Variants in ANKRD24 observed in about 807,000 individuals in gnomAD.
ANKRD24 encodes ankyrin repeat domain 24.
A neutral mutation model predicts 127.8 loss-of-function variants in ANKRD24; 109 were observed. The ratio of observed to expected loss-of-function variants is 0.85; its 90% confidence interval spans 0.73 to 1.00. The LOEUF (loss-of-function observed/expected upper bound fraction) is 1.00, where lower values mean the gene tolerates loss of function less well. Ranked by LOEUF, ANKRD24 falls within the 50% of genes least tolerant of loss-of-function variation. ANKRD24 has a pLI of 0.00. For missense variants in ANKRD24, 1,648 were observed against 1,570.2 expected (o/e 1.05, Z -0.84); for synonymous variants, 743 against 671.1 (o/e 1.11, Z -1.66).
rs1599416854 is a variant in ANKRD24, at chr19:4,199,596, G to A, written c.37-87G>A. On this transcript the variant is annotated intron_variant, in intron 2 of 21. Transcript: ENST00000318934. This position sits in a 1 kb window ranked among gnomAD's most constrained non-coding sequence, Gnocchi z 5.2. ...TGGGCTTTTGTTGGACAACTGGGGTGATGGGCCTGGGGGCAGATGCTGGGG... is the reference window on the plus strand; with the variant it reads ...TGGGCTTTTGTTGGACAACTGGGGTAATGGGCCTGGGGGCAGATGCTGGGG... 1 of 1,451,914 alleles carries A rather than the reference G, an allele frequency of 6.9e-7. No individual in the cohort carries two copies. Among genetic ancestry groups the A allele is most frequent in the East Asian group, 2.5e-5 (1 of 39,930 alleles). The allele number at this position is 1,451,914 out of a possible 1,614,324, so 89.9% of individuals were successfully genotyped here.
rs953676831 is a variant in ANKRD24, at chr19:4,198,246, T to TCAGCCCC, written c.37-1421_37-1415dup. ...AGGGGCCGGGGCGGCGCCCCTTCCC[T>TCAGCCCC]CAGCCCCCAGCCCCCAGCCCCCTAC... On this transcript the variant is annotated intron_variant, in intron 2 of 21. Transcript: ENST00000318934. The surrounding 1 kb of genome is among the most constrained non-coding windows in gnomAD (Gnocchi z 6.1). 23 of 494,510 alleles carry TCAGCCCC rather than the reference T, an allele frequency of 4.7e-5. No individual in the cohort carries two copies. The highest frequency in any genetic ancestry group is 1.6e-4 in the African/African-American group (8 of 49,000). 30.6% of individuals were successfully genotyped at this position (494,510 alleles called of 1,614,324 possible).
In ANKRD24 at chr19:4,199,426, T is replaced by G. The variant is rs56708710; in HGVS notation, c.37-257T>G. The G allele has an allele frequency of 0.015, 12,300 of 845,298 alleles. 502 individuals are homozygous for G. The highest frequency in any genetic ancestry group is 0.13 in the African/African-American group (7,194 of 54,310). 52.4% of individuals were successfully genotyped at this position (845,298 alleles called of 1,614,324 possible). On this transcript the variant is annotated intron_variant, in intron 2 of 21. Coordinates refer to ENST00000318934, the MANE Select transcript of ANKRD24 (RefSeq NM_001393985.1). The surrounding 1 kb of genome is among the most constrained non-coding windows in gnomAD (Gnocchi z 5.2). ...GGGGTCCTACTATGGTGCCCAGGTTTGTCTCAAACTCCTAGGCTCAAGCGA... is the reference window on the plus strand; with the variant it reads ...GGGGTCCTACTATGGTGCCCAGGTTGGTCTCAAACTCCTAGGCTCAAGCGA...
At position 4,198,619 on chromosome 19, in the gene ANKRD24, A is replaced by C; in HGVS notation, c.37-1064A>C. ...TCCCCGTCCCCGGCTGACCTGGACC[A>C]CCCCCCCATTCCAGACCCGGGAAAG... On this transcript the variant is annotated intron_variant, in intron 2 of 21. Coordinates refer to ENST00000318934, the MANE Select transcript of ANKRD24 (RefSeq NM_001393985.1). This position sits in a 1 kb window ranked among gnomAD's most constrained non-coding sequence, Gnocchi z 6.1. 4.9e-6 allele frequency: 2 copies of C among 408,602 alleles called. No homozygotes were observed. Among genetic ancestry groups the C allele is most frequent in the South Asian group, 7.1e-5 (1 of 14,030 alleles). 25.3% of individuals were successfully genotyped at this position (408,602 alleles called of 1,614,324 possible). A position where few individuals can be genotyped will look rare whatever the true frequency, so the allele number is the denominator to read the frequency against.
Position 4,198,637 on chromosome 19 carries a change from C to T in ANKRD24, c.37-1046C>T, listed in dbSNP as rs1253320052. ...CTGGACCACCCCCCCATTCCAGACC[C>T]GGGAAAGATGGTCGGCGGCGGGGGG... On this transcript the variant is annotated intron_variant, in intron 2 of 21. Coordinates refer to ENST00000318934, the MANE Select transcript of ANKRD24 (RefSeq NM_001393985.1). The surrounding 1 kb of genome is among the most constrained non-coding windows in gnomAD (Gnocchi z 6.1). 2 of 400,840 alleles carry T rather than the reference C, an allele frequency of 5.0e-6. No individual in the cohort carries two copies. Among genetic ancestry groups the T allele is most frequent in the South Asian group, 8.4e-5 (1 of 11,886 alleles). The allele number at this position is 400,840 out of a possible 1,614,324, so 24.8% of individuals were successfully genotyped here.
chr19:4,186,208 G>C, intron 1 of ANKRD24, 182 bp from the exon 2 acceptor site: 1 of 1,354,152 alleles, frequency 7.4e-7, no homozygotes, highest in Non-Finnish European at 9.7e-7. Flanking sequence ...AAAACAGAGA[G>C]GGCAAGTAAA....
At chr19:4,223,739 T>A (rs183002799) in intron 20 of ANKRD24, among the ~76,000 whole-genome samples, 3 of 152,220 alleles carry the variant, frequency 2.0e-5, no homozygotes, top group African/African-American at 7.2e-5. Flanking sequence ...TAATTTTTTT[T>A]ACTTTTAGTA....
chr19:4,203,280 C>A (rs1006415349), intron 7 of ANKRD24, among the ~76,000 whole-genome samples: 6 of 152,162 alleles, frequency 3.9e-5, no homozygotes, highest in African/African-American at 1.4e-4. Flanking sequence ...AACTCCTGAC[C>A]TCAGGTGATC....
intron 2 of ANKRD24, among the ~76,000 whole-genome samples, chr19:4,186,683 C>T (rs1210995329): frequency 3.9e-5 from 6 of 152,132 alleles, no homozygotes; most frequent in Non-Finnish European, 7.4e-5. Context: ...TCCTTCTCGC[C>T]GCATTGCCAC....
At chr19:4,185,100 GTGGATGGATGGATGCTTGGGCAGA>G (rs1967987586) in intron 1 of ANKRD24, among the ~76,000 whole-genome samples, 1 of 145,270 alleles carries the variant, frequency 6.9e-6, no homozygotes, top group African/African-American at 2.5e-5. Flanking sequence ...GGGCAGATGG[GTGGATGGATGGATGCTTGGGCAGA>G]TGGATGGATG....
In ANKRD24 at chr19:4,193,845, G is replaced by GAGGGAGGGAGGGAAGGAAGGA. The variant is rs573649233; in HGVS notation, c.37-5835_37-5834insGAGGGAGGGAAGGAAGGAAGG. Among the ~76,000 whole-genome samples the GAGGGAGGGAGGGAAGGAAGGA allele has an allele frequency of 3.6e-3, 148 of 40,584 alleles. 21 individuals are homozygous for GAGGGAGGGAGGGAAGGAAGGA. The highest frequency in any genetic ancestry group is 6.6e-3 in the African/African-American group (51 of 7,778). 26.6% of individuals were successfully genotyped at this position (40,584 alleles called of 152,430 possible). On this transcript the variant is annotated intron_variant, in intron 2 of 21. Transcript: ENST00000318934. ...GAGCGAGACTCCGTCGGGAGGGAGG[G>GAGGGAGGGAGGGAAGGAAGGA]AGGAAGGAAGGAAGGAAGGAAGGAA... is the stretch of plus-strand genomic sequence containing the variant.
chr19:4,222,817 G>A (rs766590407), intron 20 of ANKRD24, 22 bp downstream of exon 20: 6 of 1,583,122 alleles, frequency 3.8e-6, no homozygotes, highest in South Asian at 3.4e-5. Context: ...GCCACGCAGG[G>A]GCCAGGGGAC....
intron 6 of ANKRD24, among the ~76,000 whole-genome samples, chr19:4,202,631 T>G (rs1023035068): frequency 2.0e-4 from 30 of 152,120 alleles, no homozygotes; most frequent in Non-Finnish European, 3.2e-4. Context: ...CCCCAAGCCC[T>G]GGGTCCTTCC....
intron 2 of ANKRD24, among the ~76,000 whole-genome samples, chr19:4,189,097 A>C (rs537988380): frequency 2.0e-5 from 3 of 152,314 alleles, no homozygotes; most frequent in Non-Finnish European, 4.4e-5. Flanking sequence ...GGCGTGAGCC[A>C]CTGCACTCCG....
In ANKRD24 at chr19:4,208,068, T is replaced by C. The variant is rs185427256; in HGVS notation, c.832+100T>C. On this transcript the variant is annotated intron_variant, in intron 10 of 21. Coordinates refer to ENST00000318934, the MANE Select transcript of ANKRD24 (RefSeq NM_001393985.1). Reference sequence around the variant, plus strand: ...TAGTTTCAAGGTACCCCCGATTGGCTGCATTCTAGGAGGTCCTAGAGCTTA... The same window carrying C: ...TAGTTTCAAGGTACCCCCGATTGGCCGCATTCTAGGAGGTCCTAGAGCTTA... 4.3e-4 allele frequency: 546 copies of C among 1,283,082 alleles called. 7 individuals carry two copies. The African/African-American group carries it at 7.1e-3, about 17-fold the overall frequency. 79.5% of individuals were successfully genotyped at this position (1,283,082 alleles called of 1,614,324 possible). A position where few individuals can be genotyped will look rare whatever the true frequency, so the allele number is the denominator to read the frequency against.
chr19:4,224,760 T>C lies in ANKRD24; in HGVS notation c.*255T>C. ...CCCACCACCGGAGACTGTGATTCCC[T>C]GTGTCCTCCACATCCAGACGCCAGC... On this transcript the variant is annotated 3_prime_UTR_variant, in exon 22 of 22. Transcript: ENST00000318934. 1.8e-6 allele frequency: 1 copy of C among 540,628 alleles called. No individual in the cohort carries two copies. Among genetic ancestry groups the C allele is most frequent in the Non-Finnish European group, 3.3e-6 (1 of 300,316 alleles). The allele number at this position is 540,628 out of a possible 1,614,324, so 33.5% of individuals were successfully genotyped here.
At chr19:4,223,289 G>A (rs902593014) in intron 20 of ANKRD24, among the ~76,000 whole-genome samples, 1 of 149,290 alleles carries the variant, frequency 6.7e-6, no homozygotes, top group African/African-American at 2.5e-5. Context: ...GAGTGCAGTG[G>A]TGCAATCATA....
chr19:4,201,814 G>A (rs887674090), intron 5 of ANKRD24, among the ~76,000 whole-genome samples: 1 of 152,128 alleles, frequency 6.6e-6, no homozygotes, highest in Non-Finnish European at 1.5e-5. Context: ...TTGAGCCTAG[G>A]TGTTCAAGCC....
chr19:4,221,547 C>A (rs7250082), intron 19 of ANKRD24, among the ~76,000 whole-genome samples: 6,160 of 152,128 alleles, frequency 0.04, 320 homozygotes, highest in African/African-American at 0.12. Context: ...GTATTTTTGT[C>A]CCCATTTTCC....
chr19:4,210,609 C>T (rs939396876), intron 13 of ANKRD24, among the ~76,000 whole-genome samples: 1 of 108,460 alleles, frequency 9.2e-6, no homozygotes, highest in Admixed American at 1.1e-4. Context: ...TGCCTCAGGG[C>T]CTTTGCACCA....
Sources: gnomAD v4.1 joint callset for allele counts (sites outside exome capture counted in the v4.1 genomes callset) on GRCh38, gnomAD v4.1.1 for gene constraint, Gnocchi (gnomAD v3.1) non-coding constraint, MANE v1.5 for transcripts, NCBI Gene and HGNC (gene_info 2026-07-23, HGNC 2026-07-21) for gene names.